Variants in BMP7 observed in about 807,000 individuals in gnomAD.
BMP7 encodes bone morphogenetic protein 7.
A neutral mutation model predicts 41.2 loss-of-function variants in BMP7; 12 were observed. The ratio of observed to expected loss-of-function variants is 0.29; its 90% CI spans 0.19 to 0.47. BMP7 has a LOEUF of 0.47. BMP7 is among the 20% of genes least tolerant of loss of function. The pLI is 0.99. For missense variants in BMP7, 467 were observed against 606.0 expected (o/e 0.77, Z 2.41); for synonymous variants, 248 against 250.0 (o/e 0.99, Z 0.07).
chr20:57,245,352 T>G (rs758210000), intron 1 of BMP7, among the ~76,000 whole-genome samples: 15 of 152,182 alleles, frequency 9.9e-5, no homozygotes, highest in Non-Finnish European at 1.8e-4. Context: ...TTTTTAATTT[T>G]TATTTTTTAT....
chr20:57,175,847 G>A (rs1210935652), intron 4 of BMP7, among the ~76,000 whole-genome samples: 8 of 152,198 alleles, frequency 5.3e-5, no homozygotes, highest in Non-Finnish European at 2.9e-5. Flanking sequence ...CACAGGCCCG[G>A]TGTGCTCTGA....
chr20:57,227,819 T>C (rs546509832), intron 2 of BMP7, among the ~76,000 whole-genome samples: 62 of 152,294 alleles, frequency 4.1e-4, no homozygotes, highest in African/African-American at 1.3e-3. Context: ...TTTGGGTTTT[T>C]TTCTTCCCCT....
At chr20:57,175,100 A>G in intron 4 of BMP7, 93 bp from the exon 5 acceptor site, 1 of 1,308,040 alleles carries the variant, frequency 7.6e-7, no homozygotes, top group Non-Finnish European at 1.1e-6. Flanking sequence ...AGTGATGTGA[A>G]CAGCAATGAA....
At chr20:57,198,625 G>A (rs1234885888) in intron 3 of BMP7, among the ~76,000 whole-genome samples, 2 of 152,200 alleles carry the variant, frequency 1.3e-5, no homozygotes, top group Non-Finnish European at 2.9e-5. Flanking sequence ...CTGGGAGGAA[G>A]AGGGAAAAGA....
chr20:57,220,923 C>T (rs1205101038), intron 2 of BMP7, among the ~76,000 whole-genome samples: 2 of 152,192 alleles, frequency 1.3e-5, no homozygotes, highest in Non-Finnish European at 2.9e-5. Flanking sequence ...GGCACTCACT[C>T]ATCCAGCAGG....
At chr20:57,251,859 G>A (rs763523509) in intron 1 of BMP7, among the ~76,000 whole-genome samples, 6 of 152,198 alleles carry the variant, frequency 3.9e-5, no homozygotes, top group South Asian at 2.1e-4. Flanking sequence ...GCTTGAACCC[G>A]GGAGGCAGAG....
At chr20:57,209,249 T>TATATTTA (rs1555814048) in intron 2 of BMP7, among the ~76,000 whole-genome samples, 1 of 94,876 alleles carries the variant, frequency 1.1e-5, no homozygotes, top group Non-Finnish European at 2.1e-5. Context: ...TTATATATTT[T>TATATTTA]TATATATATA....
At chr20:57,172,291 C>T (rs1237972297) in intron 6 of BMP7, among the ~76,000 whole-genome samples, 1 of 152,060 alleles carries the variant, frequency 6.6e-6, no homozygotes, top group African/African-American at 2.4e-5. Flanking sequence ...TTGAAGTTTA[C>T]AATTGAGGAG....
At chr20:57,221,270 G>A (rs544178263) in intron 2 of BMP7, among the ~76,000 whole-genome samples, 94 of 152,302 alleles carry the variant, frequency 6.2e-4, no homozygotes, top group East Asian at 5.8e-4. Context: ...CTCCAGGTGC[G>A]TCTGCAAAGC....
chr20:57,216,775 C>G (rs1007129012), intron 2 of BMP7, among the ~76,000 whole-genome samples: 1 of 152,128 alleles, frequency 6.6e-6, no homozygotes, highest in Non-Finnish European at 1.5e-5. Flanking sequence ...TCCATCTCTC[C>G]GAGGAGGAGT....
At chr20:57,203,158 CA>C (rs1252449353) in intron 2 of BMP7, among the ~76,000 whole-genome samples, 1 of 152,092 alleles carries the variant, frequency 6.6e-6, no homozygotes, top group Non-Finnish European at 1.5e-5. Context: ...GGTTTCAGCC[CA>C]TTTACCTGTG....
At position 57,266,037 on chromosome 20, in the gene BMP7, G is replaced by T; in HGVS notation, c.86C>A (p.Ala29Asp). 3.2e-6 allele frequency: 5 copies of T among 1,545,786 alleles called. No homozygotes were observed. Among genetic ancestry groups the T allele is most frequent in the Non-Finnish European group, 4.4e-6 (5 of 1,146,886 alleles). ...APLFLLRSALADFSLDNEVHS... is the reference protein window; with the variant it reads ...APLFLLRSALDDFSLDNEVHS... ...CACCTCGTTGTCCAGGCTGAAGTCG[G>T]CCAGGGCGGAGCGCAGCAGGAACAG... The change falls in exon 1 of 7, where the codon GCC becomes GAC. Residue 29 changes from alanine to aspartate, a missense_variant. This residue lies in a region of BMP7 where 407 missense variants were observed against 485.9 expected (regional missense o/e 0.84). Transcript: ENST00000395863.
At chr20:57,202,681 C>T (rs573725051) in intron 2 of BMP7, 58 bp from the exon 3 acceptor site, 13 of 1,577,170 alleles carry the variant, frequency 8.2e-6, no homozygotes, top group African/African-American at 6.7e-5. Context: ...GCTCCACTAC[C>T]CCAACAGATG....
intron 3 of BMP7, among the ~76,000 whole-genome samples, chr20:57,189,371 A>G (rs1984297099): frequency 6.6e-6 from 1 of 152,238 alleles, no homozygotes; most frequent in Non-Finnish European, 1.5e-5. Context: ...TACAATCTGC[A>G]AGGCCCGGTG....
At chr20:57,189,452 C>T (rs1341398435) in intron 3 of BMP7, among the ~76,000 whole-genome samples, 1 of 152,252 alleles carries the variant, frequency 6.6e-6, no homozygotes. Context: ...CAGAAGCAAA[C>T]CCAGCACAGG....
At chr20:57,247,384 A>G (rs1027254078) in intron 1 of BMP7, among the ~76,000 whole-genome samples, 4 of 152,216 alleles carry the variant, frequency 2.6e-5, no homozygotes, top group African/African-American at 9.6e-5. Context: ...CTGTGGTTCC[A>G]AGCAACATGT....
At chr20:57,210,884 C>T (rs1212566692) in intron 2 of BMP7, among the ~76,000 whole-genome samples, 1 of 152,236 alleles carries the variant, frequency 6.6e-6, no homozygotes, top group Admixed American at 6.5e-5. Context: ...GAGTTTTTGT[C>T]TTGCGCATGG....
rs1417315640 is a variant in BMP7 at position 57,170,170 on chromosome 20, A to G, written c.*789T>C. On this transcript the variant is annotated 3_prime_UTR_variant, in exon 7 of 7. Coordinates refer to ENST00000395863, the MANE Select transcript of BMP7 (RefSeq NM_001719.3). ...ACCACTGGGGCGAGGTGAAAAGCCA[A>G]TCCCAAATGTCTGCGGGTATTTCAC... 6.5e-6 allele frequency: 1 copy of G among 153,006 alleles called. No homozygotes were observed. Among genetic ancestry groups the G allele is most frequent in the East Asian group, 1.9e-4 (1 of 5,194 alleles). The allele number at this position is 153,006 out of a possible 1,614,324, so 9.5% of individuals were successfully genotyped here. A position where few individuals can be genotyped will look rare whatever the true frequency, so the allele number is the denominator to read the frequency against.
At position 57,266,393 on chromosome 20, in the gene BMP7, A is replaced by G; in HGVS notation, c.-271T>C. On this transcript the variant is annotated 5_prime_UTR_variant, in exon 1 of 7. Transcript: ENST00000395863. ...GCCCCGGCGAACGAAAAGGCGAGTG[A>G]GGAGGCGGGCGCGGGTGGGAGGAGC... 4.9e-6 allele frequency: 1 copy of G among 205,870 alleles called. No homozygotes were observed. The highest frequency in any genetic ancestry group is 9.6e-6 in the Non-Finnish European group (1 of 104,448). 12.8% of individuals were successfully genotyped at this position (205,870 alleles called of 1,614,324 possible).
Sources: gnomAD v4.1 joint callset for allele counts (sites outside exome capture counted in the v4.1 genomes callset) on GRCh38, gnomAD v4.1.1 for gene constraint, gnomAD v4.1.1 regional missense constraint, MANE v1.5 for transcripts, NCBI Gene and HGNC (gene_info 2026-07-23, HGNC 2026-07-21) for gene names.